DDX31: variants seen among roughly 807,000 people sequenced by gnomAD.
The protein encoded by DDX31 is DEAD-box helicase 31, also known as ATP-dependent DNA helicase DDX31.
A neutral mutation model predicts 91.3 loss-of-function variants in DDX31; 70 were observed. That is an observed-to-expected ratio of 0.77 (90% confidence interval 0.63 to 0.94). The LOEUF (loss-of-function observed/expected upper bound fraction) is 0.94. Among genes scored for constraint, DDX31 ranks in the 40% least tolerant of loss-of-function variants. The pLI, the probability that DDX31 is intolerant of heterozygous loss-of-function variation, is 0.00. For missense variants in DDX31, 902 were observed against 925.0 expected (o/e 0.98, Z 0.32); for synonymous variants, 362 against 350.6 (o/e 1.03, Z -0.36).
At position 132,645,981 on chromosome 9, in the gene DDX31, T is replaced by C. The variant is rs1833809208; in HGVS notation, c.1294A>G (p.Ser432Gly). The change falls in exon 13 of 20, where the codon AGC becomes GGC. Residue 432 changes from serine to glycine, a missense_variant. Physicochemically the swap from Ser to Gly is moderately conservative, Grantham distance 56. Coordinates refer to ENST00000372159, the MANE Select transcript of DDX31 (RefSeq NM_022779.9). Reference sequence around the variant, plus strand: ...TGCCCTGATGCCGGCGCCCCTGAGCTGCTCAGCAGGGTCTGTAGGAAGAGG... The same window carrying C: ...TGCCCTGATGCCGGCGCCCCTGAGCCGCTCAGCAGGGTCTGTAGGAAGAGG... Reference protein sequence around the residue: ...YSLFLQTLLSSSGAPASGQLP... With the variant: ...YSLFLQTLLSGSGAPASGQLP... 3 of 1,613,992 alleles carry C rather than the reference T, an allele frequency of 1.9e-6. No homozygotes were observed. In the Admixed American group the frequency reaches 5.0e-5, roughly 27 times the overall value.
rs1265117972 is a variant in DDX31 at position 132,593,659 on chromosome 9, C to A, written c.*1207G>T. 1 of 152,156 alleles carries A rather than the reference C, an allele frequency of 6.6e-6. No individual in the cohort carries two copies. The highest frequency in any genetic ancestry group is 1.5e-5 in the Non-Finnish European group (1 of 68,044). 9.4% of individuals were successfully genotyped at this position (152,156 alleles called of 1,614,324 possible). On this transcript the variant is annotated 3_prime_UTR_variant, in exon 20 of 20. Transcript: ENST00000372159. ...GGTGCCCACTGACATTCACCTGTGT[C>A]TAGAACGGAGGCAAGGATGCTGACC...
intron 3 of DDX31, among the ~76,000 whole-genome samples, chr9:132,661,672 G>A (rs980377808): frequency 2.0e-5 from 3 of 152,202 alleles, no homozygotes; most frequent in African/African-American, 7.2e-5. Flanking sequence ...GTAGTAAGCT[G>A]TAACCGAAAG....
chr9:132,647,539 A>G (rs216682), intron 11 of DDX31, among the ~76,000 whole-genome samples: 117,294 of 152,018 alleles, frequency 0.77, 45,544 homozygotes, highest in African/African-American at 0.85. Flanking sequence ...ATTAGAACAT[A>G]GGGAACTGTG....
At chr9:132,604,323 A>G (rs2119225244) in intron 19 of DDX31, among the ~76,000 whole-genome samples, 1 of 152,306 alleles carries the variant, frequency 6.6e-6, no homozygotes, top group South Asian at 2.1e-4. Flanking sequence ...AGGCTGGACA[A>G]GAGTTTATTC....
At chr9:132,669,776 G>A (rs1835609357) in intron 1 of DDX31, 84 bp downstream of exon 1, 1 of 1,519,608 alleles carries the variant, frequency 6.6e-7, no homozygotes, top group Admixed American at 2.0e-5. Flanking sequence ...CTCGAAACCC[G>A]ACTCCAAGGC....
intron 18 of DDX31, 171 bp from the exon 19 acceptor site, chr9:132,612,426 C>A: frequency 7.5e-5 from 48 of 635,804 alleles, no homozygotes; most frequent in Middle Eastern, 9.6e-4. Flanking sequence ...TGTATTTCTT[C>A]AATTCCTAAA....
chr9:132,595,161 T>G lies in DDX31; in HGVS notation c.1995-49A>C. On this transcript the variant is annotated intron_variant, in intron 19 of 19. Coordinates refer to ENST00000372159, the MANE Select transcript of DDX31 (RefSeq NM_022779.9). This position sits in a 1 kb window ranked among gnomAD's most constrained non-coding sequence, Gnocchi z 4.6. ...GGGAAAAGAAACTTTATTATTTTTC[T>G]TTCCCATTTGGAAAGAGGCTGATAG... is the stretch of plus-strand genomic sequence containing the variant. The G allele has an allele frequency of 6.3e-7, 1 of 1,580,368 alleles. No homozygotes were observed. The highest frequency in any genetic ancestry group is 1.9e-5 in the Admixed American group (1 of 53,964).
At chr9:132,661,274 TTTAA>T (rs778881954) in intron 3 of DDX31, 23 bp from the exon 4 acceptor site, 8 of 1,553,174 alleles carry the variant, frequency 5.2e-6, no homozygotes, top group South Asian at 3.4e-5. Context: ...ATGAAAAAGC[TTTAA>T]TTAATATTTT....
rs117808781 is a variant in DDX31, at chr9:132,603,962, T to C, written c.1994+8125A>G. Among the ~76,000 whole-genome samples, 60 of 152,046 alleles carry C rather than the reference T, an allele frequency of 3.9e-4. No homozygotes were observed. In the East Asian group the frequency reaches 0.012, roughly 29 times the overall value. ...AAGCTGGTAATTGCATGGTGTCACA[T>C]AGAAAAAAACCATGGTGGAAGCAAA... On this transcript the variant is annotated intron_variant, in intron 19 of 19. Transcript: ENST00000372159.
At chr9:132,635,543 T>C (rs189152156) in intron 14 of DDX31, among the ~76,000 whole-genome samples, 31 of 150,018 alleles carry the variant, frequency 2.1e-4, no homozygotes, top group African/African-American at 6.6e-4. Flanking sequence ...GACGTCATGA[T>C]CTGCCCGCCT....
At chr9:132,624,705 G>C (rs1832286323) in intron 17 of DDX31, among the ~76,000 whole-genome samples, 1 of 152,178 alleles carries the variant, frequency 6.6e-6, no homozygotes. Context: ...TGCACATAAA[G>C]AGTGTAGCAC....
At chr9:132,631,295 T>C (rs1468654654) in intron 15 of DDX31, among the ~76,000 whole-genome samples, 1 of 152,188 alleles carries the variant, frequency 6.6e-6, no homozygotes, top group Non-Finnish European at 1.5e-5. Flanking sequence ...TGATCAATTC[T>C]GTATGTCTGG....
intron 6 of DDX31, among the ~76,000 whole-genome samples, chr9:132,656,475 T>C (rs1476264408): frequency 1.3e-5 from 2 of 152,168 alleles, no homozygotes; most frequent in Admixed American, 6.5e-5. Flanking sequence ...AAGCATGATG[T>C]CACCATGCAC....
At chr9:132,668,569 CTTT>C (rs35034055) in intron 1 of DDX31, among the ~76,000 whole-genome samples, 17 of 127,412 alleles carry the variant, frequency 1.3e-4, no homozygotes, top group African/African-American at 1.2e-4. Context: ...CGGGGTGCAG[CTTT>C]TTTTTTTTTT....
chr9:132,648,468 C>G lies in DDX31; in HGVS notation c.824G>C (p.Ser275Thr), dbSNP rs564703008. The G allele has an allele frequency of 6.2e-7, 1 of 1,614,104 alleles. No individual in the cohort carries two copies. Among genetic ancestry groups the G allele is most frequent in the African/African-American group, 1.3e-5 (1 of 75,042 alleles). Residue 275 changes from serine to threonine, a missense_variant, in exon 10 of 20, where the codon AGT (serine) becomes ACT (threonine). Coordinates refer to ENST00000372159, the MANE Select transcript of DDX31 (RefSeq NM_022779.9). ...HIKSTKNIHF[S>T]RLRWLVFDEA... ...ATCAAACACCAACCACCGCAGCCGACTAAAATGAATGTTCTTTGTGGATTT... is the reference window on the plus strand; with the variant it reads ...ATCAAACACCAACCACCGCAGCCGAGTAAAATGAATGTTCTTTGTGGATTT...
chr9:132,650,074 G>A (rs1834085028), intron 9 of DDX31, among the ~76,000 whole-genome samples, 160 bp downstream of exon 9: 1 of 152,196 alleles, frequency 6.6e-6, no homozygotes, highest in African/African-American at 2.4e-5. Flanking sequence ...ACCGTCTAGA[G>A]GTGACCGCTC....
Position 132,594,723 on chromosome 9 carries a change from G to C in DDX31, c.*143C>G. ...CTCCAGGGCCTCCCATGGAGGAGAAGGGCTGTGGCCCCTCTGATTCTTGGG... is the reference window on the plus strand; with the variant it reads ...CTCCAGGGCCTCCCATGGAGGAGAACGGCTGTGGCCCCTCTGATTCTTGGG... On this transcript the variant is annotated 3_prime_UTR_variant, in exon 20 of 20. Coordinates refer to ENST00000372159, the MANE Select transcript of DDX31 (RefSeq NM_022779.9). The C allele has an allele frequency of 7.3e-7, 1 of 1,367,080 alleles. No homozygotes were observed. Among genetic ancestry groups the C allele is most frequent in the Non-Finnish European group, 9.9e-7 (1 of 1,005,268 alleles). The allele number at this position is 1,367,080 out of a possible 1,614,324, so 84.7% of individuals were successfully genotyped here.
intron 4 of DDX31, among the ~76,000 whole-genome samples, chr9:132,660,590 A>G (rs1834873748): frequency 6.6e-6 from 1 of 152,158 alleles, no homozygotes; most frequent in Admixed American, 6.5e-5. Flanking sequence ...CAAGAAACAA[A>G]AGAGACACAA....
intron 1 of DDX31, among the ~76,000 whole-genome samples, chr9:132,668,320 A>T (rs775962348): frequency 5.9e-5 from 9 of 152,072 alleles, no homozygotes; most frequent in Admixed American, 1.3e-4. Context: ...ATATCAATGA[A>T]ACCGATTTTC....
Sources: allele counts gnomAD v4.1 joint callset (sites outside exome capture counted in the v4.1 genomes callset), GRCh38; gene constraint gnomAD v4.1.1; non-coding constraint Gnocchi (gnomAD v3.1); transcripts MANE v1.5; gene names NCBI Gene and HGNC (gene_info 2026-07-23, HGNC 2026-07-21).